The following CNTN5 variants were observed in gnomAD, a reference collection of about 807,000 sequenced individuals.
CNTN5 encodes contactin-5.
CNTN5 carries 77 observed loss-of-function variants against 129.1 expected under a neutral mutation model. That is an observed-to-expected ratio of 0.60 (90% CI 0.50 to 0.72). The LOEUF (loss-of-function observed/expected upper bound fraction) is 0.72. CNTN5 is among the 30% of genes least tolerant of loss of function. CNTN5 has a pLI of 0.00. For synonymous variants in CNTN5, 509 were observed against 465.6 expected, an observed-to-expected ratio of 1.09 and a Z score of -1.20; for missense variants, 1,478 against 1,328.8, an observed-to-expected ratio of 1.11 and a Z score of -1.75.
At chr11:99,823,708 T>G (rs539124845) in intron 4 of CNTN5, among the ~76,000 whole-genome samples, 27 of 152,304 alleles carry the variant, frequency 1.8e-4, no homozygotes, top group African/African-American at 5.5e-4. Context: ...TAAACTTTAA[T>G]ATTTTTCCAA....
chr11:100,254,338 A>T (rs1950026092), intron 16 of CNTN5, among the ~76,000 whole-genome samples: 2 of 152,290 alleles, frequency 1.3e-5, no homozygotes, highest in East Asian at 3.9e-4. Flanking sequence ...TTATATTCTT[A>T]AGTTTAAAAA....
At chr11:99,487,474 A>G (rs1373289342) in intron 2 of CNTN5, among the ~76,000 whole-genome samples, 1 of 152,236 alleles carries the variant, frequency 6.6e-6, no homozygotes, top group Non-Finnish European at 1.5e-5. Flanking sequence ...GGATGAGAGT[A>G]GGGATGAGGC....
intron 8 of CNTN5, among the ~76,000 whole-genome samples, chr11:99,961,091 A>G (rs1356231092): frequency 6.6e-6 from 1 of 150,598 alleles, no homozygotes; most frequent in African/African-American, 2.4e-5. Flanking sequence ...TGTAGTCCCC[A>G]CTACCCGGGA....
chr11:99,678,442 C>T (rs1953396778), intron 3 of CNTN5, among the ~76,000 whole-genome samples: 1 of 152,082 alleles, frequency 6.6e-6, no homozygotes, highest in African/African-American at 2.4e-5. Flanking sequence ...ATCTAAATCT[C>T]TCCACTAATT....
In CNTN5 at chr11:99,814,470, G is replaced by A. The variant is rs919533872; in HGVS notation, c.56-5074G>A. Among the ~76,000 whole-genome samples the A allele has an allele frequency of 6.0e-4, 91 of 152,168 alleles. 4 individuals are homozygous for A. The highest frequency in any genetic ancestry group is 2.5e-4 in the Non-Finnish European group (17 of 68,020). ...TCTTGGAATCTCACAAAGCCCACTGGAAGTCAGTTATCACACATTGAGTTC... is the reference window on the plus strand; with the variant it reads ...TCTTGGAATCTCACAAAGCCCACTGAAAGTCAGTTATCACACATTGAGTTC... On this transcript the variant is annotated intron_variant, in intron 3 of 24. Coordinates refer to ENST00000524871, the MANE Select transcript of CNTN5 (RefSeq NM_014361.4).
At chr11:99,835,046 G>T (rs989290206) in intron 4 of CNTN5, among the ~76,000 whole-genome samples, 1 of 152,124 alleles carries the variant, frequency 6.6e-6, no homozygotes, top group African/African-American at 2.4e-5. Flanking sequence ...CTTCCATGAT[G>T]CAAACTCCTT....
chr11:99,667,696 C>G (rs979828007), intron 3 of CNTN5, among the ~76,000 whole-genome samples: 12 of 152,094 alleles, frequency 7.9e-5, no homozygotes, highest in Non-Finnish European at 1.3e-4. Flanking sequence ...AACACAGGAA[C>G]AGAAAACCAA....
intron 3 of CNTN5, among the ~76,000 whole-genome samples, chr11:99,757,049 T>G (rs1565495791): frequency 2.0e-5 from 3 of 151,882 alleles, no homozygotes; most frequent in Non-Finnish European, 2.9e-5. Context: ...CCATAACAAA[T>G]TAGCACAAAC....
intron 1 of CNTN5, among the ~76,000 whole-genome samples, chr11:99,063,545 T>C (rs34183479): frequency 8.8e-4 from 102 of 115,268 alleles, no homozygotes; most frequent in African/African-American, 2.9e-3. Flanking sequence ...AATAAATAAA[T>C]AAATAAACGC....
At chr11:99,726,624 A>C (rs1943349332) in intron 3 of CNTN5, among the ~76,000 whole-genome samples, 1 of 152,332 alleles carries the variant, frequency 6.6e-6, no homozygotes, top group South Asian at 2.1e-4. Flanking sequence ...ACAAATCCTA[A>C]AAAATAGGAA....
chr11:99,357,712 A>T (rs1938778134), intron 2 of CNTN5, among the ~76,000 whole-genome samples: 1 of 152,094 alleles, frequency 6.6e-6, no homozygotes, highest in South Asian at 2.1e-4. Context: ...TAATAAATTT[A>T]AGTTAACACT....
intron 1 of CNTN5, among the ~76,000 whole-genome samples, chr11:99,126,740 G>A (rs1346978945): frequency 6.6e-6 from 1 of 152,158 alleles, no homozygotes; most frequent in South Asian, 2.1e-4. Flanking sequence ...CTACATTCCT[G>A]TCGGTTATTA....
chr11:99,090,788 C>G (rs933366329), intron 1 of CNTN5, among the ~76,000 whole-genome samples: 1 of 150,378 alleles, frequency 6.6e-6, no homozygotes, highest in African/African-American at 2.4e-5. Flanking sequence ...TTTGGGAGAC[C>G]GAGGCGGGCG....
intron 3 of CNTN5, among the ~76,000 whole-genome samples, chr11:99,803,147 T>G (rs539782631): frequency 6.6e-6 from 1 of 152,220 alleles, no homozygotes; most frequent in African/African-American, 2.4e-5. Flanking sequence ...TTCAGGCTGT[T>G]GACCCAGGTG....
At chr11:99,036,934 C>T (rs1863764867) in intron 1 of CNTN5, among the ~76,000 whole-genome samples, 2 of 152,116 alleles carry the variant, frequency 1.3e-5, no homozygotes, top group African/African-American at 4.8e-5. Flanking sequence ...GAAACAAACC[C>T]ATAGCAGCAA....
At chr11:99,560,985 G>C (rs1422030689) in intron 3 of CNTN5, among the ~76,000 whole-genome samples, 3 of 152,166 alleles carry the variant, frequency 2.0e-5, no homozygotes, top group Non-Finnish European at 4.4e-5. Flanking sequence ...AGAAGGATTA[G>C]AATCTATGTG....
rs117412495 is a variant in CNTN5 at position 99,547,357 on chromosome 11, G to C, written c.-70-8788G>C. Reference sequence around the variant, plus strand: ...AATGTTTGAAGTGGAGCAGTGGAAGGTATGTGGGCAGACAAATCATTTGAG... The same window carrying C: ...AATGTTTGAAGTGGAGCAGTGGAAGCTATGTGGGCAGACAAATCATTTGAG... On this transcript the variant is annotated intron_variant, in intron 2 of 24. Coordinates refer to ENST00000524871, the MANE Select transcript of CNTN5 (RefSeq NM_014361.4). Among the ~76,000 whole-genome samples the C allele has an allele frequency of 4.0e-3, 613 of 152,266 alleles. 27 individuals are homozygous for C. The East Asian group carries it at 0.098, about 24-fold the overall frequency.
At chr11:99,852,841 A>T (rs1384573902) in intron 6 of CNTN5, among the ~76,000 whole-genome samples, 1 of 152,216 alleles carries the variant, frequency 6.6e-6, no homozygotes, top group African/African-American at 2.4e-5. Flanking sequence ...ACATTTACTT[A>T]ATTAATTGTC....
intron 3 of CNTN5, among the ~76,000 whole-genome samples, chr11:99,785,946 A>G (rs1053050615): frequency 6.6e-6 from 1 of 152,082 alleles, no homozygotes; most frequent in Non-Finnish European, 1.5e-5. Flanking sequence ...AGCCGGCACA[A>G]GACAAGGATG....
Sources: allele counts gnomAD v4.1 joint callset (sites outside exome capture counted in the v4.1 genomes callset), GRCh38; gene constraint gnomAD v4.1.1; transcripts MANE v1.5; gene names NCBI Gene and HGNC (gene_info 2026-07-23, HGNC 2026-07-21).